RERE: variants seen among roughly 807,000 people sequenced by gnomAD.
RERE encodes arginine-glutamic acid dipeptide repeats.
A neutral mutation model predicts 146.1 loss-of-function variants in RERE; 40 were observed. That is an observed-to-expected ratio of 0.27 (90% CI 0.21 to 0.36). RERE has a LOEUF of 0.36. Ranked by LOEUF, RERE falls within the 10% of genes least tolerant of loss-of-function variation. RERE has a pLI of 1.00. For missense variants in RERE, 1,933 were observed against 2,138.7 expected, an observed-to-expected ratio of 0.90 and a Z score of 1.90; for synonymous variants, 1,003 against 866.0, an observed-to-expected ratio of 1.16 and a Z score of -2.78.
At chr1:8,751,572 C>T (rs935859477) in intron 1 of RERE, among the ~76,000 whole-genome samples, 26 of 152,158 alleles carry the variant, frequency 1.7e-4, no homozygotes, top group Admixed American at 3.9e-4. Context: ...ATCCTCTCTG[C>T]ACTGACAGGT....
chr1:8,804,015 A>G (rs1027796239), intron 1 of RERE, among the ~76,000 whole-genome samples: 8 of 152,236 alleles, frequency 5.3e-5, no homozygotes, highest in Non-Finnish European at 1.2e-4. Context: ...AGAAATATTA[A>G]TATTAATGAA....
intron 1 of RERE, among the ~76,000 whole-genome samples, chr1:8,686,155 G>T (rs991862407): frequency 1.3e-5 from 2 of 151,944 alleles, no homozygotes; most frequent in Admixed American, 6.6e-5. Context: ...CTAATTTATT[G>T]TATTTTTAGT....
intron 4 of RERE, among the ~76,000 whole-genome samples, chr1:8,578,670 A>C (rs531983289): frequency 1.1e-4 from 17 of 152,086 alleles, no homozygotes; most frequent in Non-Finnish European, 2.1e-4. Context: ...ACATGGTTTA[A>C]ATGGATTTCT....
At chr1:8,653,622 G>A (rs1346966712) in intron 2 of RERE, among the ~76,000 whole-genome samples, 1 of 150,756 alleles carries the variant, frequency 6.6e-6, no homozygotes, top group Non-Finnish European at 1.5e-5. Flanking sequence ...GTGAACCCGG[G>A]AGGCGGAGCT....
chr1:8,669,400 A>G (rs1042898323), intron 1 of RERE, among the ~76,000 whole-genome samples: 1 of 152,182 alleles, frequency 6.6e-6, no homozygotes, highest in African/African-American at 2.4e-5. Context: ...TGCCCAGCCA[A>G]TTGTACACTT....
intron 10 of RERE, among the ~76,000 whole-genome samples, chr1:8,466,353 TCTTA>T (rs1398152397): frequency 6.6e-6 from 1 of 152,190 alleles, no homozygotes; most frequent in African/African-American, 2.4e-5. Flanking sequence ...GCAATCATTA[TCTTA>T]CTTAATCCTA....
At chr1:8,815,670 T>C (rs1395634684) in intron 1 of RERE, among the ~76,000 whole-genome samples, 2 of 152,136 alleles carry the variant, frequency 1.3e-5, no homozygotes, top group Non-Finnish European at 2.9e-5. Context: ...AGGCATGAGA[T>C]GGGTGGAAGA....
intron 11 of RERE, among the ~76,000 whole-genome samples, chr1:8,448,753 C>A (rs1010130131): frequency 6.6e-6 from 1 of 151,982 alleles, no homozygotes; most frequent in Non-Finnish European, 1.5e-5. Context: ...CTCTTGAACC[C>A]GGGAGGCGCA....
chr1:8,550,778 C>T (rs56227503), intron 6 of RERE, among the ~76,000 whole-genome samples: 30,277 of 152,104 alleles, frequency 0.2, 3,077 homozygotes, highest in Middle Eastern at 0.3. Flanking sequence ...GAACTCCTGA[C>T]CTCAGGTGAT....
chr1:8,377,560 T>G (rs1210903586), intron 12 of RERE, among the ~76,000 whole-genome samples: 5 of 152,152 alleles, frequency 3.3e-5, no homozygotes, highest in African/African-American at 1.2e-4. Context: ...TCACCTTTCT[T>G]GATGTTTTCT....
intron 1 of RERE, among the ~76,000 whole-genome samples, chr1:8,778,020 T>C (rs897445955): frequency 6.6e-6 from 1 of 152,148 alleles, no homozygotes; most frequent in Admixed American, 6.6e-5. Context: ...AGTAATACCA[T>C]CTACCCTGAA....
chr1:8,642,102 G>C (rs1376787961), intron 2 of RERE, among the ~76,000 whole-genome samples: 1 of 152,176 alleles, frequency 6.6e-6, no homozygotes, highest in Admixed American at 6.5e-5. Flanking sequence ...ATAGTTGAAA[G>C]AATTTGGTCT....
At chr1:8,480,328 C>T (rs1464395676) in intron 10 of RERE, among the ~76,000 whole-genome samples, 2 of 151,296 alleles carry the variant, frequency 1.3e-5, no homozygotes, top group South Asian at 2.1e-4. Flanking sequence ...TTAGTAGAGA[C>T]GGGGTTTCAC....
chr1:8,554,421 TCA>T (rs1287504725), intron 6 of RERE, among the ~76,000 whole-genome samples: 3 of 152,032 alleles, frequency 2.0e-5, no homozygotes, highest in African/African-American at 7.2e-5. Flanking sequence ...GTGCGGTGGT[TCA>T]CACTTGCAAT....
At chr1:8,552,703 G>A (rs530833095) in intron 6 of RERE, among the ~76,000 whole-genome samples, 1 of 152,328 alleles carries the variant, frequency 6.6e-6, no homozygotes, top group South Asian at 2.1e-4. Flanking sequence ...AGAGACTGCT[G>A]GGGGGCACTG....
At chr1:8,678,660 A>G (rs1638898241) in intron 1 of RERE, among the ~76,000 whole-genome samples, 1 of 149,866 alleles carries the variant, frequency 6.7e-6, no homozygotes, top group Non-Finnish European at 1.5e-5. Context: ...GTACCACTGC[A>G]CTCTAGCCTG....
chr1:8,598,575 G>A (rs1311497136), intron 4 of RERE, among the ~76,000 whole-genome samples: 1 of 152,150 alleles, frequency 6.6e-6, no homozygotes, highest in African/African-American at 2.4e-5. Context: ...CACCAGGGCT[G>A]GATTCCACAC....
chr1:8,470,922 G>A (rs1380627443), intron 10 of RERE, among the ~76,000 whole-genome samples: 1 of 134,196 alleles, frequency 7.5e-6, no homozygotes, highest in Non-Finnish European at 1.5e-5. Context: ...AGGTTCAAGC[G>A]ATTCTCCTGC....
intron 1 of RERE, among the ~76,000 whole-genome samples, chr1:8,711,497 G>C (rs970596405): frequency 6.6e-6 from 1 of 152,174 alleles, no homozygotes; most frequent in African/African-American, 2.4e-5. Context: ...ACTCACTAGA[G>C]ATCTCAGACT....
Sources: gnomAD v4.1 joint callset for allele counts (sites outside exome capture counted in the v4.1 genomes callset) on GRCh38, gnomAD v4.1.1 for gene constraint, MANE v1.5 for transcripts, NCBI Gene and HGNC (gene_info 2026-07-23, HGNC 2026-07-21) for gene names.